Variants in KIAA1671 observed in about 807,000 individuals in gnomAD.
KIAA1671 encodes KIAA1671, also known as uncharacterized protein KIAA1671.
A neutral mutation model predicts 131.2 loss-of-function variants in KIAA1671; 52 were observed. That is an observed-to-expected ratio of 0.40 (90% confidence interval 0.32 to 0.50). The LOEUF (loss-of-function observed/expected upper bound fraction) is 0.50. Among genes scored for constraint, KIAA1671 ranks in the 20% least tolerant of loss-of-function variants. KIAA1671 has a pLI of 0.73. For synonymous variants in KIAA1671, 1,003 were observed against 961.6 expected (o/e 1.04, Z -0.80); for missense variants, 2,360 against 2,364.2 (o/e 1.00, Z 0.04).
intron 1 of KIAA1671, among the ~76,000 whole-genome samples, chr22:24,979,357 TA>T (rs200757464): frequency 0.089 from 12,624 of 142,264 alleles, 770 homozygotes; most frequent in African/African-American, 0.15. Context: ...TTTATTTATT[TA>T]TTTTTTTTTG....
At chr22:25,079,804 G>A (rs1035939689) in intron 6 of KIAA1671, among the ~76,000 whole-genome samples, 19 of 152,246 alleles carry the variant, frequency 1.2e-4, no homozygotes, top group Admixed American at 1.2e-3. Flanking sequence ...GAGCCATGGG[G>A]GAGTGACCCT....
At chr22:25,140,096 C>A (rs544650587) in intron 6 of KIAA1671, among the ~76,000 whole-genome samples, 1 of 152,268 alleles carries the variant, frequency 6.6e-6, no homozygotes, top group Non-Finnish European at 1.5e-5. Flanking sequence ...TGCATAGAGT[C>A]TCACAAGGCT....
intron 6 of KIAA1671, among the ~76,000 whole-genome samples, chr22:25,168,059 A>C (rs1933704818): frequency 6.6e-6 from 1 of 152,176 alleles, no homozygotes; most frequent in Non-Finnish European, 1.5e-5. Flanking sequence ...GCAGGACCAC[A>C]TGGACCACAA....
intron 1 of KIAA1671, among the ~76,000 whole-genome samples, chr22:24,963,750 C>A (rs12158602): frequency 1.3e-5 from 2 of 151,384 alleles, no homozygotes; most frequent in Non-Finnish European, 2.9e-5. Context: ...ACCATCCTGG[C>A]TAACATGGTG....
At chr22:24,975,118 C>G (rs76822874) in intron 1 of KIAA1671, among the ~76,000 whole-genome samples, 2,173 of 152,282 alleles carry the variant, frequency 0.014, 51 homozygotes, top group African/African-American at 0.048. Flanking sequence ...AACCCCATAC[C>G]CATTAGTGGT....
intron 9 of KIAA1671, 58 bp from the exon 10 acceptor site, chr22:25,181,641 G>A: frequency 6.5e-7 from 1 of 1,546,032 alleles, no homozygotes; most frequent in Admixed American, 2.0e-5. Context: ...TATCTGGCAT[G>A]TAGGACCTCA....
chr22:25,170,719 G>A, intron 6 of KIAA1671, 101 bp from the exon 7 acceptor site: 1 of 1,197,124 alleles, frequency 8.4e-7, no homozygotes, highest in Non-Finnish European at 1.2e-6. Flanking sequence ...GCTGGGATGG[G>A]TTTGAGCTGG....
chr22:25,114,163 C>T (rs534141970), intron 6 of KIAA1671, among the ~76,000 whole-genome samples: 4 of 152,196 alleles, frequency 2.6e-5, no homozygotes, highest in Non-Finnish European at 5.9e-5. Flanking sequence ...TAAATACATG[C>T]TAAATACATT....
chr22:25,105,694 T>C (rs1601318824), intron 6 of KIAA1671, among the ~76,000 whole-genome samples: 1 of 152,166 alleles, frequency 6.6e-6, no homozygotes, highest in Non-Finnish European at 1.5e-5. Flanking sequence ...CCCTCTCCCC[T>C]TTCTGGAAGG....
intron 6 of KIAA1671, among the ~76,000 whole-genome samples, chr22:25,093,731 A>ACTCTCTCTCTCT: frequency 2.3e-5 from 1 of 43,582 alleles, no homozygotes; most frequent in East Asian, 4.7e-4. Flanking sequence ...ACACACACAC[A>ACTCTCTCTCTCT]CACACACTCT....
Position 25,040,990 on chromosome 22 carries a change from C to T in KIAA1671, c.3860C>T (p.Ala1287Val). ...CAGCTGGCAGAGACCTTGGAGACAG[C>T]CATGGGCACCAAATCTAGCCCTCCC... ...GKQLAETLETAMGTKSSPPFW... is the reference protein window; with the variant it reads ...GKQLAETLETVMGTKSSPPFW... The change falls in exon 5 of 13, where the codon GCC (alanine) becomes GTC (valine). Residue 1287 changes from alanine (A) to valine (V), a missense_variant. This residue lies in a region of KIAA1671 where 1,161 missense variants were observed against 1,204.7 expected (regional missense o/e 0.96). Coordinates refer to ENST00000358431, the MANE Select transcript of KIAA1671 (RefSeq NM_001145206.2). 6.8e-7 allele frequency: 1 copy of T among 1,476,234 alleles called. No individual in the cohort carries two copies. Among genetic ancestry groups the T allele is most frequent in the South Asian group, 1.4e-5 (1 of 70,594 alleles). 91.4% of individuals were successfully genotyped at this position (1,476,234 alleles called of 1,614,324 possible).
rs1926087850 is a variant in KIAA1671, at chr22:25,028,505, T to C, written c.506T>C (p.Leu169Pro). 1 of 1,549,452 alleles carries C rather than the reference T, an allele frequency of 6.5e-7. No individual in the cohort carries two copies. The highest frequency in any genetic ancestry group is 2.4e-5 in the East Asian group (1 of 40,880). Residue 169 changes from leucine (L) to proline (P), a missense_variant, in exon 3 of 13, where the codon CTA becomes CCA. Around this residue, in one of 3 missense-constraint regions of KIAA1671, gnomAD observed 1,185 missense variants for 1,126.2 expected, o/e 1.05. Transcript: ENST00000358431. ...AGTGAGGGGGCGGAGGAGGCCAAGC[T>C]AGGTGTGTCCGGCTCCCGGCCTGAG... ...AVSEGAEEAK[L>P]GVSGSRPEVA...
At chr22:24,972,869 G>A (rs764326263) in intron 1 of KIAA1671, among the ~76,000 whole-genome samples, 43 of 152,358 alleles carry the variant, frequency 2.8e-4, no homozygotes, top group Non-Finnish European at 5.3e-4. Flanking sequence ...GATTAAGAGC[G>A]ATGGTGAAAA....
At chr22:25,086,800 C>A (rs575639409) in intron 6 of KIAA1671, among the ~76,000 whole-genome samples, 1 of 152,206 alleles carries the variant, frequency 6.6e-6, no homozygotes, top group East Asian at 1.9e-4. Context: ...ATCCCAGCGC[C>A]GTCTGGCTGT....
intron 9 of KIAA1671, chr22:25,179,638 G>A: frequency 1.3e-6 from 1 of 760,736 alleles, no homozygotes; most frequent in Non-Finnish European, 2.1e-6. Flanking sequence ...CTGATTTCTT[G>A]TTATGCAGAA....
intron 6 of KIAA1671, chr22:25,051,227 G>C (rs1602099453): frequency 6.6e-6 from 1 of 152,350 alleles, no homozygotes; most frequent in African/African-American, 2.4e-5. Flanking sequence ...TGCAATTCTG[G>C]GGAGTGGCCA....
intron 9 of KIAA1671, among the ~76,000 whole-genome samples, chr22:25,180,832 ACTTT>A (rs1319902500): frequency 6.6e-6 from 1 of 152,216 alleles, no homozygotes; most frequent in African/African-American, 2.4e-5. Context: ...ACCTCTCTGC[ACTTT>A]CTTGGTTTTC....
At chr22:25,014,409 T>A (rs867878491) in intron 1 of KIAA1671, 1 of 151,864 alleles carries the variant, frequency 6.6e-6, no homozygotes. Flanking sequence ...ATTTAGGAAT[T>A]TTTTTTTGTT....
chr22:25,134,529 C>T (rs1932588073), intron 6 of KIAA1671, among the ~76,000 whole-genome samples: 1 of 152,180 alleles, frequency 6.6e-6, no homozygotes, highest in South Asian at 2.1e-4. Flanking sequence ...CCACAATGAC[C>T]TTGGAAATAG....
Sources: allele counts gnomAD v4.1 joint callset (sites outside exome capture counted in the v4.1 genomes callset), GRCh38; gene constraint gnomAD v4.1.1; regional missense constraint gnomAD v4.1.1; transcripts MANE v1.5; gene names NCBI Gene and HGNC (gene_info 2026-07-23, HGNC 2026-07-21).